AFF1: variants seen among roughly 807,000 people sequenced by gnomAD.
The protein encoded by AFF1 is ALF transcription elongation factor 1.
AFF1 carries 48 observed loss-of-function variants against 121.7 expected under a neutral mutation model. The ratio of observed to expected loss-of-function variants is 0.39; its 90% CI spans 0.31 to 0.50. The LOEUF is 0.50. Among genes scored for constraint, AFF1 ranks in the 20% least tolerant of loss-of-function variants. The pLI, the probability that AFF1 is intolerant of heterozygous loss-of-function variation, is 0.76. For synonymous variants in AFF1, 613 were observed against 563.0 expected (o/e 1.09, Z -1.26); for missense variants, 1,523 against 1,511.7 (o/e 1.01, Z -0.12).
intron 4 of AFF1, among the ~76,000 whole-genome samples, chr4:87,073,597 C>T (rs1259007825): frequency 6.6e-6 from 1 of 152,158 alleles, no homozygotes; most frequent in Non-Finnish European, 1.5e-5. Flanking sequence ...CTGGAATAAG[C>T]CCAGGATAAA....
intron 4 of AFF1, among the ~76,000 whole-genome samples, chr4:87,052,486 T>G (rs975194298): frequency 1.3e-5 from 2 of 149,388 alleles, no homozygotes; most frequent in Non-Finnish European, 3.0e-5. Flanking sequence ...ACACTGAGAG[T>G]GAGGGGAGGA....
Position 87,091,432 on chromosome 4 carries a change from G to A in AFF1, c.1192-361G>A, listed in dbSNP as rs566574186. Among the ~76,000 whole-genome samples the A allele has an allele frequency of 5.9e-5, 9 of 152,220 alleles. No homozygotes were observed. In the East Asian group the frequency reaches 1.7e-3, roughly 29 times the overall value. On this transcript the variant is annotated intron_variant, in intron 6 of 20. Transcript: ENST00000395146. ...AACAAAAAACAAAACAAAAAAAACA[G>A]TGACTCATTATTGCTTGTTTTAAAT...
intron 2 of AFF1, among the ~76,000 whole-genome samples, chr4:87,045,500 T>C (rs943360469): frequency 1.3e-5 from 2 of 152,136 alleles, no homozygotes; most frequent in African/African-American, 2.4e-5. Flanking sequence ...TACATTTTTA[T>C]GTGTTTTAAG....
intron 7 of AFF1, 146 bp downstream of exon 7, chr4:87,091,975 A>G (rs1455470088): frequency 7.5e-6 from 5 of 665,286 alleles, no homozygotes; most frequent in Non-Finnish European, 1.3e-5. Context: ...ATATAAAACT[A>G]TTCTTTATGT....
chr4:87,048,975 C>A (rs17604480), intron 4 of AFF1, among the ~76,000 whole-genome samples: 31,689 of 151,244 alleles, frequency 0.21, 3,475 homozygotes, highest in East Asian at 0.32. Context: ...GATCCTCCCT[C>A]CTCAAAACAG....
chr4:87,058,601 C>A (rs1310299917), intron 4 of AFF1, among the ~76,000 whole-genome samples: 2 of 152,166 alleles, frequency 1.3e-5, no homozygotes, highest in African/African-American at 4.8e-5. Context: ...CCCCCACTCT[C>A]AACCTTTGGT....
intron 2 of AFF1, among the ~76,000 whole-genome samples, chr4:86,964,435 C>CTT (rs567637293): frequency 0.13 from 16,529 of 127,308 alleles, 1,515 homozygotes; most frequent in Non-Finnish European, 0.19. Flanking sequence ...TTCTATACAT[C>CTT]TTTTTTTTTT....
chr4:87,123,461 T>G (rs1370443365), intron 12 of AFF1, among the ~76,000 whole-genome samples: 1 of 152,186 alleles, frequency 6.6e-6, no homozygotes, highest in Non-Finnish European at 1.5e-5. Flanking sequence ...GGCCTTAATT[T>G]ATTTCTTCCT....
At position 87,114,633 on chromosome 4, in the gene AFF1, G is replaced by T. The variant is rs945189562; in HGVS notation, c.1800G>T (p.Glu600Asp). Residue 600 changes from glutamate (E) to aspartate (D), a missense_variant, in exon 12 of 21, where the codon GAG becomes GAT. This residue lies in a region of AFF1 where 905 missense variants were observed against 842.5 expected (regional missense o/e 1.07). Transcript: ENST00000395146. The stretch of plus-strand genomic sequence containing the variant: ...GTCAGAAGTCTCCGGCACAGCAGGA[G>T]CCCCCACAAAGGCAAACCGTTGGAA... ...RSCQKSPAQQ[E>D]PPQRQTVGTK... is the part of the protein sequence containing the mutation. 2 of 1,610,474 alleles carry T rather than the reference G, an allele frequency of 1.2e-6. No homozygotes were observed. Among genetic ancestry groups the T allele is most frequent in the African/African-American group, 2.7e-5 (2 of 73,822 alleles).
At chr4:87,131,694 T>C in intron 17 of AFF1, 99 bp from the exon 18 acceptor site, 1 of 1,069,702 alleles carries the variant, frequency 9.3e-7, no homozygotes. Context: ...TCTCATCTCT[T>C]CTTCAGGAAA....
rs1413030811 is a variant in AFF1, at chr4:87,108,235, G to A, written c.1453G>A (p.Asp485Asn). Reference sequence around the variant, plus strand: ...AGAGTCAGAAAGCACCAGTGACTCAGACAGTTCCTCAGACTCAGAGAGCGA... The same window carrying A: ...AGAGTCAGAAAGCACCAGTGACTCAAACAGTTCCTCAGACTCAGAGAGCGA... Reference protein sequence around the residue: ...SAESESTSDSDSSSDSESESS... With the variant: ...SAESESTSDSNSSSDSESESS... Residue 485 changes from aspartate (D) to asparagine (N), a missense_variant, in exon 11 of 21, where the codon GAC becomes AAC. Asp to Asn is a conservative substitution (Grantham distance 23, BLOSUM62 1). Transcript: ENST00000395146. 1 of 1,614,028 alleles carries A rather than the reference G, an allele frequency of 6.2e-7. No individual in the cohort carries two copies. Among genetic ancestry groups the A allele is most frequent in the Non-Finnish European group, 8.5e-7 (1 of 1,180,022 alleles).
At chr4:86,937,279 T>A (rs1449276435) in intron 1 of AFF1, among the ~76,000 whole-genome samples, 1 of 152,246 alleles carries the variant, frequency 6.6e-6, no homozygotes, top group African/African-American at 2.4e-5. Flanking sequence ...AATACAAAGA[T>A]CATTTAGAGA....
chr4:87,140,569 A>T lies in AFF1; in HGVS notation c.*4868A>T, dbSNP rs1339977946. Reference sequence around the variant, plus strand: ...TATTAAAATTGTTTTAAAAAGGAGTAAATTTTCCAGTTGATAAATGAAAAT... The same window carrying T: ...TATTAAAATTGTTTTAAAAAGGAGTTAATTTTCCAGTTGATAAATGAAAAT... On this transcript the variant is annotated 3_prime_UTR_variant, in exon 21 of 21. Coordinates refer to ENST00000395146, the MANE Select transcript of AFF1 (RefSeq NM_001166693.3). The T allele has an allele frequency of 5.5e-6, 1 of 181,088 alleles. No homozygotes were observed. Among genetic ancestry groups the T allele is most frequent in the Non-Finnish European group, 1.2e-5 (1 of 84,702 alleles). The allele number at this position is 181,088 out of a possible 1,614,324, so 11.2% of individuals were successfully genotyped here.
At chr4:87,007,137 G>T in intron 2 of AFF1, 1 of 1,265,456 alleles carries the variant, frequency 7.9e-7, no homozygotes, top group South Asian at 2.6e-5. Flanking sequence ...ATTCGGACGC[G>T]GCGCTCCCCG....
chr4:86,974,286 T>TA (rs999555597), intron 2 of AFF1, among the ~76,000 whole-genome samples: 4 of 152,140 alleles, frequency 2.6e-5, no homozygotes, highest in African/African-American at 9.7e-5. Flanking sequence ...TGGCTGGAGT[T>TA]ACAGGCACAT....
chr4:86,969,535 C>A (rs1161312268), intron 2 of AFF1, among the ~76,000 whole-genome samples: 1 of 144,036 alleles, frequency 6.9e-6, no homozygotes, highest in South Asian at 2.2e-4. Flanking sequence ...GGATTAGATT[C>A]TATGTTATGA....
chr4:87,135,802 A>T lies in AFF1; in HGVS notation c.*101A>T. The T allele has an allele frequency of 7.0e-7, 1 of 1,418,888 alleles. No homozygotes were observed. The highest frequency in any genetic ancestry group is 9.3e-7 in the Non-Finnish European group (1 of 1,075,528). The allele number at this position is 1,418,888 out of a possible 1,614,324, so 87.9% of individuals were successfully genotyped here. ...GTTTCATCAGGACACCAAACTCTAAAAAAGAAGCACCACGAGATGGCCAGG... is the reference window on the plus strand; with the variant it reads ...GTTTCATCAGGACACCAAACTCTAATAAAGAAGCACCACGAGATGGCCAGG... On this transcript the variant is annotated 3_prime_UTR_variant, in exon 21 of 21. Transcript: ENST00000395146.
rs138031642 is a variant in AFF1 at position 87,103,238 on chromosome 4, A to G, written c.1284-2390A>G. ...ATAGCATGCTAGTTTACGTTGAGATACCCACCTCTGGTGATACAGTAAATC... is the reference window on the plus strand; with the variant it reads ...ATAGCATGCTAGTTTACGTTGAGATGCCCACCTCTGGTGATACAGTAAATC... On this transcript the variant is annotated intron_variant, in intron 8 of 20. Transcript: ENST00000395146. Among the ~76,000 whole-genome samples, 1,095 of 152,308 alleles carry G rather than the reference A, an allele frequency of 7.2e-3. 13 individuals are homozygous for G. The highest frequency in any genetic ancestry group is 0.025 in the African/African-American group (1,044 of 41,568).
chr4:87,085,648 C>T (rs1345280975), intron 5 of AFF1, among the ~76,000 whole-genome samples: 2 of 151,984 alleles, frequency 1.3e-5, no homozygotes, highest in African/African-American at 4.8e-5. Flanking sequence ...GTAGTAGTAT[C>T]TAACCAGTTG....
Sources: gnomAD v4.1 joint callset for allele counts (sites outside exome capture counted in the v4.1 genomes callset) on GRCh38, gnomAD v4.1.1 for gene constraint, gnomAD v4.1.1 regional missense constraint, MANE v1.5 for transcripts, NCBI Gene and HGNC (gene_info 2026-07-23, HGNC 2026-07-21) for gene names.